The following SPIN1 variants were observed in gnomAD, a reference collection of about 807,000 sequenced individuals.
The protein encoded by SPIN1 is spindlin-1.
SPIN1 carries 3 observed loss-of-function variants against 26.0 expected under a neutral mutation model. The observed-to-expected ratio is 0.12, with a 90% CI of 0.05 to 0.30. The LOEUF is 0.30. Among genes scored for constraint, SPIN1 ranks in the 10% least tolerant of loss-of-function variants. SPIN1 has a pLI of 1.00. For missense variants in SPIN1, 126 were observed against 333.4 expected (o/e 0.38, Z 4.84); for synonymous variants, 101 against 116.5 (o/e 0.87, Z 0.86).
rs575961416 is a variant in SPIN1 at position 88,441,367 on chromosome 9, C to A, written c.53-7574C>A. 1.1e-4 allele frequency among the ~76,000 whole-genome samples: 14 copies of A among 123,188 alleles called. No homozygotes were observed. The South Asian group carries it at 3.1e-3, about 28-fold the overall frequency. The allele number at this position is 123,188 out of a possible 152,430, so 80.8% of individuals were successfully genotyped here. ...GACGGCTGTATTCCTGATTCTCTCT[C>A]CAGTCTGGTTGTATCATCATTGCTG... On this transcript the variant is annotated intron_variant, in intron 2 of 5. Transcript: ENST00000375859.
chr9:88,396,743 G>A lies in SPIN1; in HGVS notation c.-159+8205G>A, dbSNP rs113235359. On this transcript the variant is annotated intron_variant, in intron 1 of 5. Transcript: ENST00000375859. ...CAATGGGATACATTCAGAGAACCTC[G>A]TTGTGTACCTCATAGAGTATACTTA... is the stretch of plus-strand genomic sequence containing the variant. 7.1e-3 allele frequency among the ~76,000 whole-genome samples: 1,075 copies of A among 152,142 alleles called. 10 individuals are homozygous for A. The highest frequency in any genetic ancestry group is 0.024 in the African/African-American group (1,001 of 41,512).
intron 3 of SPIN1, among the ~76,000 whole-genome samples, chr9:88,459,081 A>C (rs73652567): frequency 0.028 from 4,015 of 145,242 alleles, 178 homozygotes; most frequent in African/African-American, 0.1. Flanking sequence ...GTTAGTAATC[A>C]TGGAATGTCT....
At chr9:88,395,321 A>G (rs187281670) in intron 1 of SPIN1, among the ~76,000 whole-genome samples, 3 of 151,650 alleles carry the variant, frequency 2.0e-5, no homozygotes, top group African/African-American at 7.3e-5. Context: ...CCTTTCCTAC[A>G]CAATAGGCAG....
At chr9:88,440,982 C>T (rs886647414) in intron 2 of SPIN1, among the ~76,000 whole-genome samples, 1 of 151,252 alleles carries the variant, frequency 6.6e-6, no homozygotes, top group Admixed American at 6.6e-5. Flanking sequence ...TAATATATTG[C>T]TTTAGGGGTA....
chr9:88,398,808 A>C (rs1056371131), intron 1 of SPIN1, among the ~76,000 whole-genome samples: 2 of 151,748 alleles, frequency 1.3e-5, no homozygotes, highest in Non-Finnish European at 2.9e-5. Context: ...TCCCCACCTC[A>C]GGTCATCCGC....
chr9:88,466,981 C>T (rs981817197), intron 4 of SPIN1, among the ~76,000 whole-genome samples: 1 of 152,186 alleles, frequency 6.6e-6, no homozygotes, highest in Admixed American at 6.5e-5. Flanking sequence ...AAGTGATTCG[C>T]CCGCCTTGGA....
intron 1 of SPIN1, among the ~76,000 whole-genome samples, chr9:88,409,394 T>A (rs1827389787): frequency 6.6e-6 from 1 of 152,122 alleles, no homozygotes; most frequent in Admixed American, 6.6e-5. Flanking sequence ...ATCTAGTAGA[T>A]CACATTATAA....
At chr9:88,454,880 CA>C (rs1207798167) in intron 3 of SPIN1, among the ~76,000 whole-genome samples, 1 of 152,200 alleles carries the variant, frequency 6.6e-6, no homozygotes, top group Non-Finnish European at 1.5e-5. Flanking sequence ...ATGATTTTAA[CA>C]ATTAGTATAT....
rs200755149 is a variant in SPIN1, at chr9:88,423,745, T to TA, written c.-158-2632dup. ...TCATGTATTTTTTTTTTTTTTTTAA[T>TA]AAAAAGCTCTTGATCTTCTTTATTT... On this transcript the variant is annotated intron_variant, in intron 1 of 5. Transcript: ENST00000375859. Among the ~76,000 whole-genome samples the TA allele has an allele frequency of 6.9e-3, 1,011 of 147,518 alleles. 15 individuals carry two copies. The highest frequency in any genetic ancestry group is 0.024 in the African/African-American group (926 of 39,304).
At chr9:88,403,985 T>C (rs935129869) in intron 1 of SPIN1, among the ~76,000 whole-genome samples, 1 of 152,218 alleles carries the variant, frequency 6.6e-6, no homozygotes, top group African/African-American at 2.4e-5. Flanking sequence ...GGTGTAGCCT[T>C]TGACACACTT....
intron 2 of SPIN1, among the ~76,000 whole-genome samples, chr9:88,432,393 G>T (rs1014055053): frequency 4.0e-5 from 6 of 151,812 alleles, no homozygotes; most frequent in Non-Finnish European, 7.4e-5. Context: ...TCACCATGTT[G>T]CCCAGGCTGG....
In SPIN1 at chr9:88,465,819, C is replaced by T. The variant is rs145394933; in HGVS notation, c.356-2553C>T. On this transcript the variant is annotated intron_variant, in intron 4 of 5. Transcript: ENST00000375859. Reference sequence around the variant, plus strand: ...AGTATATCTAGAATTATCTGAAAGACGATTAGAATATTCTTTTCAGTATCA... The same window carrying T: ...AGTATATCTAGAATTATCTGAAAGATGATTAGAATATTCTTTTCAGTATCA... 1.6e-3 allele frequency among the ~76,000 whole-genome samples: 244 copies of T among 152,204 alleles called. 1 individual carries two copies. The highest frequency in any genetic ancestry group is 4.6e-3 in the African/African-American group (192 of 41,536).
In SPIN1 at chr9:88,390,977, G is replaced by C. The variant is rs559803038; in HGVS notation, c.-159+2439G>C. Among the ~76,000 whole-genome samples the C allele has an allele frequency of 6.6e-5, 10 of 152,260 alleles. No individual in the cohort carries two copies. The East Asian group carries it at 1.5e-3, about 23-fold the overall frequency. The stretch of plus-strand genomic sequence containing the variant: ...TTGGAGTTCACATTTTTGAAAACCA[G>C]AAAATTTAATAATTATGCTCTTGCC... On this transcript the variant is annotated intron_variant, in intron 1 of 5. Transcript: ENST00000375859.
chr9:88,410,488 A>T (rs1370471259), intron 1 of SPIN1: 14 of 743,864 alleles, frequency 1.9e-5, no homozygotes, highest in Non-Finnish European at 3.4e-5. Flanking sequence ...CTTCTCTGTC[A>T]CTTCTCTGGT....
intron 1 of SPIN1, among the ~76,000 whole-genome samples, chr9:88,417,388 CCACCTGG>C (rs1292689300): frequency 6.6e-6 from 1 of 152,174 alleles, no homozygotes; most frequent in Non-Finnish European, 1.5e-5. Flanking sequence ...CTCAGAGTAT[CCACCTGG>C]AAATAGCATC....
At chr9:88,412,849 A>G (rs1336214383) in intron 1 of SPIN1, among the ~76,000 whole-genome samples, 1 of 151,642 alleles carries the variant, frequency 6.6e-6, no homozygotes. Flanking sequence ...ACACCCGGGT[A>G]ATTTTTGTAT....
chr9:88,443,850 C>T (rs73652562), intron 2 of SPIN1, among the ~76,000 whole-genome samples: 4,009 of 152,180 alleles, frequency 0.026, 179 homozygotes, highest in African/African-American at 0.092. Context: ...TCAACTTCCC[C>T]GGCTTGTAGA....
chr9:88,469,307 G>A (rs1828732586), intron 5 of SPIN1, among the ~76,000 whole-genome samples: 1 of 152,190 alleles, frequency 6.6e-6, no homozygotes, highest in African/African-American at 2.4e-5. Flanking sequence ...CCTGCTGTGC[G>A]GCGTGGCCCC....
intron 1 of SPIN1, among the ~76,000 whole-genome samples, chr9:88,424,357 G>A (rs2118015230): frequency 6.6e-6 from 1 of 152,252 alleles, no homozygotes; most frequent in Non-Finnish European, 1.5e-5. Context: ...CAAATTTGAA[G>A]TGAAATTTTT....
Sources: allele counts gnomAD v4.1 joint callset (sites outside exome capture counted in the v4.1 genomes callset), GRCh38; gene constraint gnomAD v4.1.1; transcripts MANE v1.5; gene names NCBI Gene and HGNC (gene_info 2026-07-23, HGNC 2026-07-21).